Variants in SDHB observed in about 807,000 individuals in gnomAD.
SDHB encodes the protein succinate dehydrogenase complex iron sulfur subunit B, also known as succinate dehydrogenase [ubiquinone] iron-sulfur subunit, mitochondrial.
A neutral mutation model predicts 39.7 loss-of-function variants in SDHB; 21 were observed. The ratio of observed to expected loss-of-function variants is 0.53; its 90% confidence interval spans 0.37 to 0.76. The LOEUF is 0.76. Among genes scored for constraint, SDHB ranks in the 30% least tolerant of loss-of-function variants. The probability of loss-of-function intolerance (pLI) is 0.00; values close to 1 mark genes in which losing one functional copy is unlikely to be tolerated. For missense variants in SDHB, 343 were observed against 350.9 expected, an observed-to-expected ratio of 0.98 and a Z score of 0.18; for synonymous variants, 118 against 117.0, an observed-to-expected ratio of 1.01 and a Z score of -0.06.
rs535328088 is a variant in SDHB, at chr1:17,035,730, C to T, written c.201-2585G>A. On this transcript the variant is annotated intron_variant, in intron 2 of 7. Coordinates refer to ENST00000375499, the MANE Select transcript of SDHB (RefSeq NM_003000.3). The stretch of plus-strand genomic sequence containing the variant: ...AAAAAATTAGCTGGGTGTGGTTGCA[C>T]GTGCCTGTAGTCCCAATTACTTGGG... Among the ~76,000 whole-genome samples, 10 of 151,980 alleles carry T rather than the reference C, an allele frequency of 6.6e-5. No homozygotes were observed. The South Asian group carries it at 1.2e-3, about 19-fold the overall frequency.
intron 2 of SDHB, among the ~76,000 whole-genome samples, chr1:17,042,383 C>A (rs905345931): frequency 6.6e-6 from 1 of 152,016 alleles, no homozygotes; most frequent in African/African-American, 2.4e-5. Flanking sequence ...TATTTTTTTC[C>A]GGAGTTGATC....
Position 17,018,852 on chromosome 1 carries a change from G to T in SDHB, c.*29C>A. On this transcript the variant is annotated 3_prime_UTR_variant, in exon 8 of 8. Coordinates refer to ENST00000375499, the MANE Select transcript of SDHB (RefSeq NM_003000.3). ...ATAAATTATGTTCAGCTCTGAGCTG[G>T]TTATAAATCATGTTTAGCATGGAAA... The T allele has an allele frequency of 2.6e-6, 4 of 1,526,418 alleles. No homozygotes were observed. Among genetic ancestry groups the T allele is most frequent in the Middle Eastern group, 1.7e-4 (1 of 5,918 alleles). The allele number at this position is 1,526,418 out of a possible 1,614,324, so 94.6% of individuals were successfully genotyped here.
At chr1:17,041,527 T>C (rs2078079642) in intron 2 of SDHB, among the ~76,000 whole-genome samples, 1 of 151,988 alleles carries the variant, frequency 6.6e-6, no homozygotes, top group African/African-American at 2.4e-5. Context: ...AGACGGTGTG[T>C]GACGCGCGCC....
chr1:17,019,689 A>C (rs576781027), intron 7 of SDHB, among the ~76,000 whole-genome samples: 1 of 152,286 alleles, frequency 6.6e-6, no homozygotes, highest in Non-Finnish European at 1.5e-5. Context: ...AGTGTTGTGG[A>C]AAGAAAGAAG....
Position 17,053,987 on chromosome 1 carries a change from G to C in SDHB, c.33C>G (p.Arg11=), listed in dbSNP as rs146399542. The stretch of plus-strand genomic sequence containing the variant: ...CGCCAAGGGTTGTGGCCGGCAACCG[G>C]CGCCTCAAGGAGAGGGCGACCACCG... The part of the protein sequence containing the change: MAAVVALSLR[R]RLPATTLGGA... Residue 11 remains arginine (R), a synonymous_variant, in exon 1 of 8, where the codon CGC becomes CGG. Transcript: ENST00000375499. 1 of 1,613,036 alleles carries C rather than the reference G, an allele frequency of 6.2e-7. No individual in the cohort carries two copies.
At chr1:17,051,872 G>A (rs1437041701) in intron 1 of SDHB, among the ~76,000 whole-genome samples, 3 of 147,542 alleles carry the variant, frequency 2.0e-5, no homozygotes, top group Non-Finnish European at 3.0e-5. Flanking sequence ...ACTGAGTTTC[G>A]CTCTTGTCGC....
At chr1:17,045,273 CAT>C in intron 1 of SDHB, 1 of 278,442 alleles carries the variant, frequency 3.6e-6, no homozygotes, top group South Asian at 3.3e-5. Context: ...GGCTTCCTCA[CAT>C]GTCATCTAAG....
intron 2 of SDHB, among the ~76,000 whole-genome samples, chr1:17,039,503 C>T: frequency 6.6e-6 from 1 of 151,010 alleles, no homozygotes; most frequent in East Asian, 1.9e-4. Flanking sequence ...GGGAGGATTG[C>T]TTGAGCCTAG....
At chr1:17,022,986 A>G (rs985147382) in intron 6 of SDHB, 1 of 439,414 alleles carries the variant, frequency 2.3e-6, no homozygotes, top group Admixed American at 3.4e-5. Flanking sequence ...CACACTGGGT[A>G]TCATCTCCTA....
At chr1:17,044,993 T>A in intron 1 of SDHB, 105 bp from the exon 2 acceptor site, 1 of 999,552 alleles carries the variant, frequency 1.0e-6, no homozygotes, top group Non-Finnish European at 1.5e-6. Context: ...ACTCACACAT[T>A]ACTGACACAT....
At chr1:17,018,987 A>C in intron 7 of SDHB, 29 bp from the exon 8 acceptor site, 1 of 1,529,772 alleles carries the variant, frequency 6.5e-7, no homozygotes, top group Non-Finnish European at 9.0e-7. Context: ...AATCAATAAC[A>C]AATGATAACT....
At chr1:17,020,777 A>G (rs2077956578) in intron 7 of SDHB, among the ~76,000 whole-genome samples, 1 of 152,240 alleles carries the variant, frequency 6.6e-6, no homozygotes, top group Non-Finnish European at 1.5e-5. Flanking sequence ...TCACAGGCAC[A>G]ATCATGGTAA....
chr1:17,053,805 C>G, intron 1 of SDHB, 143 bp downstream of exon 1: 1 of 716,334 alleles, frequency 1.4e-6, no homozygotes, highest in Non-Finnish European at 2.6e-6. Context: ...GAAGCCAAAC[C>G]AAAGCACTGC....
intron 2 of SDHB, among the ~76,000 whole-genome samples, chr1:17,033,557 A>G (rs2078034305): frequency 6.6e-6 from 1 of 152,246 alleles, no homozygotes. Flanking sequence ...AAGACATAGT[A>G]CAGAGAATAA....
At chr1:17,023,054 A>C (rs763310201) in intron 6 of SDHB, 3 of 369,300 alleles carry the variant, frequency 8.1e-6, no homozygotes, top group Non-Finnish European at 1.6e-5. Context: ...GAAGGCAGGG[A>C]CTGTATCATA....
chr1:17,052,622 A>G (rs1180719735), intron 1 of SDHB: 1 of 152,272 alleles, frequency 6.6e-6, no homozygotes, highest in African/African-American at 2.4e-5. Flanking sequence ...TCAATCATCA[A>G]TTTAATACTG....
chr1:17,037,746 C>T (rs1171936706), intron 2 of SDHB, among the ~76,000 whole-genome samples: 2 of 152,010 alleles, frequency 1.3e-5, no homozygotes, highest in Admixed American at 6.6e-5. Flanking sequence ...CGTGAGCCAT[C>T]GCACCCAGCC....
Position 17,027,793 on chromosome 1 carries a change from C to T in SDHB, c.496G>A (p.Gly166Ser). The change falls in exon 5 of 8, where the codon GGC becomes AGC. Residue 166 changes from glycine (G) to serine (S), a missense_variant. By Grantham distance (56) the Gly-to-Ser change is moderately conservative. Coordinates refer to ENST00000375499, the MANE Select transcript of SDHB (RefSeq NM_003000.3). Reference protein sequence around the residue: ...YLKKKDESQEGKQQYLQSIEE... With the variant: ...YLKKKDESQESKQQYLQSIEE... ...ATGGACTGCAGATACTGCTGCTTGC[C>T]TTCCTGAGATTCATCCTTCTTCTTC... The T allele has an allele frequency of 6.2e-7, 1 of 1,613,500 alleles. No homozygotes were observed.
intron 5 of SDHB, among the ~76,000 whole-genome samples, 183 bp from the exon 6 acceptor site, chr1:17,024,257 G>T (rs2077980211): frequency 6.6e-6 from 1 of 152,238 alleles, no homozygotes; most frequent in Non-Finnish European, 1.5e-5. Flanking sequence ...GATCTTGCAA[G>T]TGAAATGTAA....
Sources: allele counts gnomAD v4.1 joint callset (sites outside exome capture counted in the v4.1 genomes callset), GRCh38; gene constraint gnomAD v4.1.1; transcripts MANE v1.5; gene names NCBI Gene and HGNC (gene_info 2026-07-23, HGNC 2026-07-21).